KLHL1: variants seen among roughly 807,000 people sequenced by gnomAD.
The protein encoded by KLHL1 is kelch like family member 1, also known as kelch-like protein 1.
Under a neutral mutation model 77.7 loss-of-function variants are expected in KLHL1, and 47 were observed. That is an observed-to-expected ratio of 0.60 (90% CI 0.48 to 0.77). The LOEUF is 0.77. KLHL1 is among the 30% of genes least tolerant of loss of function. The pLI, the probability that KLHL1 is intolerant of heterozygous loss-of-function variation, is 0.00. For missense variants in KLHL1, 925 were observed against 910.8 expected, an observed-to-expected ratio of 1.02 and a Z score of -0.20; for synonymous variants, 360 against 325.2, an observed-to-expected ratio of 1.11 and a Z score of -1.15.
intron 1 of KLHL1, among the ~76,000 whole-genome samples, chr13:70,017,303 C>A (rs1885681777): frequency 6.6e-6 from 1 of 152,208 alleles, no homozygotes. Context: ...GGTTGTGACA[C>A]CCTCTTTGGG....
At position 69,838,821 on chromosome 13, in the gene KLHL1, T is replaced by G. The variant is rs557448449; in HGVS notation, c.1414+155A>C. Among the ~76,000 whole-genome samples the G allele has an allele frequency of 1.1e-4, 16 of 152,060 alleles. No homozygotes were observed. In the South Asian group the frequency reaches 2.5e-3, roughly 24 times the overall value. On this transcript the variant is annotated intron_variant, in intron 6 of 10. Transcript: ENST00000377844. ...AGATGAATAAGAAGCAGACAGCAGC[T>G]ACAATTAAGGAGATATTTAATTTCT...
chr13:69,901,768 T>C (rs1881867665), intron 4 of KLHL1, among the ~76,000 whole-genome samples: 1 of 148,516 alleles, frequency 6.7e-6, no homozygotes, highest in African/African-American at 2.5e-5. Flanking sequence ...ACAATGAGTT[T>C]TTCATTTTCT....
intron 1 of KLHL1, among the ~76,000 whole-genome samples, chr13:70,014,037 A>G (rs528722730): frequency 1.3e-5 from 2 of 152,168 alleles, no homozygotes; most frequent in Non-Finnish European, 2.9e-5. Flanking sequence ...GAGAAAATAT[A>G]TTCAATTTTA....
intron 1 of KLHL1, among the ~76,000 whole-genome samples, chr13:70,033,328 C>A (rs558044986): frequency 6.6e-6 from 1 of 151,884 alleles, no homozygotes; most frequent in African/African-American, 2.4e-5. Context: ...CTCTCTCTGT[C>A]GCCCAGGCTG....
intron 7 of KLHL1, among the ~76,000 whole-genome samples, chr13:69,764,119 G>T (rs1304892272): frequency 1.3e-5 from 2 of 152,100 alleles, no homozygotes; most frequent in Non-Finnish European, 2.9e-5. Context: ...ATTAAATTTA[G>T]CCTGAAGCTG....
At position 69,782,822 on chromosome 13, in the gene KLHL1, C is replaced by T. The variant is rs557642765; in HGVS notation, c.1639+13916G>A. On this transcript the variant is annotated intron_variant, in intron 7 of 10. Transcript: ENST00000377844. Reference sequence around the variant, plus strand: ...AGCTTTGAAGAGAGTAGTGGTTCTCCCAGCACGCAGCTGGTGATCTGAGAA... The same window carrying T: ...AGCTTTGAAGAGAGTAGTGGTTCTCTCAGCACGCAGCTGGTGATCTGAGAA... 2.6e-5 allele frequency among the ~76,000 whole-genome samples: 4 copies of T among 152,314 alleles called. No individual in the cohort carries two copies. In the East Asian group the frequency reaches 7.7e-4, roughly 29 times the overall value.
intron 1 of KLHL1, among the ~76,000 whole-genome samples, chr13:70,059,404 A>G (rs940649711): frequency 3.5e-4 from 53 of 152,102 alleles, no homozygotes; most frequent in African/African-American, 1.3e-3. Flanking sequence ...TCCTGACCTC[A>G]AGTGATCCAC....
At chr13:69,822,502 A>C (rs1467542563) in intron 6 of KLHL1, among the ~76,000 whole-genome samples, 1 of 152,182 alleles carries the variant, frequency 6.6e-6, no homozygotes, top group African/African-American at 2.4e-5. Context: ...GTATGATACG[A>C]TTATAATTAG....
intron 9 of KLHL1, among the ~76,000 whole-genome samples, chr13:69,712,738 T>TTA (rs1014626712): frequency 4.1e-5 from 6 of 146,384 alleles, no homozygotes; most frequent in Admixed American, 1.4e-4. Flanking sequence ...TGCATTAAAT[T>TTA]TATAAATTTT....
At chr13:69,772,635 TCTTA>T (rs1423889294) in intron 7 of KLHL1, among the ~76,000 whole-genome samples, 3 of 152,222 alleles carry the variant, frequency 2.0e-5, no homozygotes, top group African/African-American at 7.2e-5. Flanking sequence ...CTAAAAAGTG[TCTTA>T]CTTTTAGAAT....
chr13:70,024,095 G>A (rs1885872060), intron 1 of KLHL1, among the ~76,000 whole-genome samples: 1 of 151,756 alleles, frequency 6.6e-6, no homozygotes, highest in South Asian at 2.1e-4. Context: ...CGAGATCAGA[G>A]GAGATCGGGC....
chr13:69,720,003 C>T (rs909088074), intron 8 of KLHL1, among the ~76,000 whole-genome samples: 3 of 151,972 alleles, frequency 2.0e-5, no homozygotes, highest in Admixed American at 6.6e-5. Context: ...CAGTATGTAA[C>T]ACATGCCTGC....
At chr13:69,977,308 T>C (rs1197993388) in intron 1 of KLHL1, among the ~76,000 whole-genome samples, 1 of 151,954 alleles carries the variant, frequency 6.6e-6, no homozygotes, top group Non-Finnish European at 1.5e-5. Flanking sequence ...TCTTTTAATA[T>C]AGATAATAAG....
intron 6 of KLHL1, among the ~76,000 whole-genome samples, chr13:69,835,544 G>A (rs762167103): frequency 3.9e-5 from 6 of 152,118 alleles, no homozygotes; most frequent in Admixed American, 6.6e-5. Context: ...AAAGGGGGCT[G>A]ACATGGCTCT....
At chr13:69,975,278 A>C (rs575165297) in intron 2 of KLHL1, among the ~76,000 whole-genome samples, 1 of 152,210 alleles carries the variant, frequency 6.6e-6, no homozygotes, top group African/African-American at 2.4e-5. Context: ...TTCCTGAATT[A>C]GCGTGCCTAA....
chr13:69,936,141 T>C (rs1377134625), intron 4 of KLHL1, among the ~76,000 whole-genome samples: 2 of 152,202 alleles, frequency 1.3e-5, no homozygotes, highest in Non-Finnish European at 2.9e-5. Context: ...ATTCAGAATT[T>C]GATAATGGAT....
chr13:70,039,507 T>C (rs1487274209), intron 1 of KLHL1, among the ~76,000 whole-genome samples: 1 of 152,168 alleles, frequency 6.6e-6, no homozygotes, highest in Non-Finnish European at 1.5e-5. Context: ...CAAAATTAAC[T>C]CATTATTGCT....
At chr13:69,939,504 A>C (rs1167499806) in intron 4 of KLHL1, among the ~76,000 whole-genome samples, 2 of 151,770 alleles carry the variant, frequency 1.3e-5, no homozygotes, top group African/African-American at 4.8e-5. Flanking sequence ...GAGAGGTTTA[A>C]AAAATGCAGA....
At chr13:69,784,588 A>G (rs1876410971) in intron 7 of KLHL1, among the ~76,000 whole-genome samples, 2 of 151,528 alleles carry the variant, frequency 1.3e-5, no homozygotes, top group Admixed American at 6.6e-5. Flanking sequence ...GAGACAAAGA[A>G]GGCCATTACA....
Sources: allele counts gnomAD v4.1 joint callset (sites outside exome capture counted in the v4.1 genomes callset), GRCh38; gene constraint gnomAD v4.1.1; transcripts MANE v1.5; gene names NCBI Gene and HGNC (gene_info 2026-07-23, HGNC 2026-07-21).